Variants in SYCP1 observed in about 807,000 individuals in gnomAD.
The protein encoded by SYCP1 is synaptonemal complex protein 1, also known as cancer/testis antigen 8.
In SYCP1, 64 loss-of-function variants were observed where a neutral mutation model predicts 153.1. The observed-to-expected ratio is 0.42, with a 90% CI of 0.34 to 0.51. SYCP1 has a LOEUF of 0.51. Among genes scored for constraint, SYCP1 ranks in the 20% least tolerant of loss-of-function variants. SYCP1 has a pLI of 0.06. For missense variants in SYCP1, 997 were observed against 1,049.0 expected, an observed-to-expected ratio of 0.95 and a Z score of 0.68; for synonymous variants, 384 against 341.8, an observed-to-expected ratio of 1.12 and a Z score of -1.36.
chr1:114,952,739 A>G (rs1398613652), intron 27 of SYCP1, among the ~76,000 whole-genome samples: 1 of 152,186 alleles, frequency 6.6e-6, no homozygotes, highest in Non-Finnish European at 1.5e-5. Flanking sequence ...AATGGGAACT[A>G]CAATTCAAGA....
At chr1:114,906,166 C>T (rs770144545) in intron 16 of SYCP1, among the ~76,000 whole-genome samples, 38 of 151,992 alleles carry the variant, frequency 2.5e-4, no homozygotes, top group Middle Eastern at 3.4e-3. Flanking sequence ...GGGGTTTCAC[C>T]GTATTGGCCA....
In SYCP1 at chr1:114,981,435, G is replaced by T; in HGVS notation, c.2482G>T (p.Asp828Tyr). 1 of 1,610,328 alleles carries T rather than the reference G, an allele frequency of 6.2e-7. No homozygotes were observed. Among genetic ancestry groups the T allele is most frequent in the Non-Finnish European group, 8.5e-7 (1 of 1,178,528 alleles). ...TGTATCTCGAAATTTCACATCAGTT[G>T]ATCATGGCATATCCAAAGATAAAAG... is the stretch of plus-strand genomic sequence containing the variant. ...QTVSRNFTSVDHGISKDKRDY... is the reference protein window; with the variant it reads ...QTVSRNFTSVYHGISKDKRDY... The change falls in exon 29 of 32, where the codon GAT (aspartate) becomes TAT (tyrosine). Residue 828 changes from aspartate to tyrosine, a missense_variant. Physicochemically the swap from Asp to Tyr is radical, Grantham distance 160. Around this residue, in one of 2 missense-constraint regions of SYCP1, gnomAD observed 712 missense variants for 682.9 expected, o/e 1.04. Coordinates refer to ENST00000369522, the MANE Select transcript of SYCP1 (RefSeq NM_003176.4).
intron 21 of SYCP1, among the ~76,000 whole-genome samples, chr1:114,923,836 C>T (rs1319779135): frequency 1.3e-5 from 2 of 151,952 alleles, no homozygotes; most frequent in Non-Finnish European, 2.9e-5. Context: ...ATATGGATGA[C>T]AAATTATTTA....
chr1:114,882,521 T>G (rs1666022791), intron 12 of SYCP1, among the ~76,000 whole-genome samples: 1 of 152,184 alleles, frequency 6.6e-6, no homozygotes, highest in Non-Finnish European at 1.5e-5. Flanking sequence ...TGTCTTTTCT[T>G]TAAATATACA....
At chr1:114,941,212 C>A (rs979909303) in intron 23 of SYCP1, among the ~76,000 whole-genome samples, 1 of 151,984 alleles carries the variant, frequency 6.6e-6, no homozygotes, top group Non-Finnish European at 1.5e-5. Context: ...GAAAAAAAAT[C>A]CACATATAAA....
intron 14 of SYCP1, among the ~76,000 whole-genome samples, chr1:114,886,555 T>G (rs1222674419): frequency 6.6e-6 from 1 of 152,098 alleles, no homozygotes; most frequent in African/African-American, 2.4e-5. Context: ...CCATAGAATT[T>G]AGTTATATAC....
intron 18 of SYCP1, among the ~76,000 whole-genome samples, chr1:114,912,195 T>A (rs1452754390): frequency 6.6e-6 from 1 of 151,944 alleles, no homozygotes; most frequent in African/African-American, 2.4e-5. Context: ...TGGTACCTTT[T>A]CAATAGTACT....
intron 21 of SYCP1, 88 bp downstream of exon 21, chr1:114,923,618 T>C (rs1400930448): frequency 7.8e-7 from 1 of 1,275,936 alleles, no homozygotes; most frequent in Non-Finnish European, 1.0e-6. Flanking sequence ...AAGGGAAGTA[T>C]ACTGTTGTAT....
At chr1:114,877,471 T>G (rs1263378233) in intron 11 of SYCP1, among the ~76,000 whole-genome samples, 2 of 152,234 alleles carry the variant, frequency 1.3e-5, no homozygotes, top group Non-Finnish European at 2.9e-5. Context: ...TGCCACAAGA[T>G]ATCTTCTAAT....
intron 23 of SYCP1, among the ~76,000 whole-genome samples, chr1:114,928,484 C>T (rs979992439): frequency 1.3e-5 from 2 of 152,116 alleles, no homozygotes; most frequent in African/African-American, 4.8e-5. Context: ...AAGCTGTACC[C>T]TAAGCAATAC....
chr1:114,970,880 CA>C (rs112489190), intron 27 of SYCP1, among the ~76,000 whole-genome samples: 5,550 of 152,276 alleles, frequency 0.036, 126 homozygotes, highest in African/African-American at 0.053. Flanking sequence ...CTGGTTTTCT[CA>C]AATGCTGGTT....
chr1:114,866,374 C>T (rs920455736), intron 8 of SYCP1, among the ~76,000 whole-genome samples: 4 of 152,048 alleles, frequency 2.6e-5, no homozygotes, highest in Admixed American at 6.6e-5. Flanking sequence ...TTTGGCCATT[C>T]GAATAGGGGT....
intron 26 of SYCP1, among the ~76,000 whole-genome samples, chr1:114,946,897 AC>A (rs1670742708): frequency 2.0e-5 from 3 of 151,874 alleles, no homozygotes; most frequent in Admixed American, 1.3e-4. Flanking sequence ...GCATCACCAC[AC>A]CCGGCTAATT....
At chr1:114,967,325 C>T (rs1394253168) in intron 27 of SYCP1, among the ~76,000 whole-genome samples, 1 of 152,122 alleles carries the variant, frequency 6.6e-6, no homozygotes, top group Non-Finnish European at 1.5e-5. Flanking sequence ...CTTTGTAGGT[C>T]TCTTAAAACT....
At chr1:114,947,811 C>CAAAAAAAAA (rs1174716918) in intron 27 of SYCP1, among the ~76,000 whole-genome samples, 12 of 43,882 alleles carry the variant, frequency 2.7e-4, no homozygotes, top group Non-Finnish European at 3.0e-4. Flanking sequence ...GACTCCGTCT[C>CAAAAAAAAA]AAAAAAAAAA....
At chr1:114,951,952 G>C (rs1671135390) in intron 27 of SYCP1, among the ~76,000 whole-genome samples, 1 of 152,138 alleles carries the variant, frequency 6.6e-6, no homozygotes, top group Admixed American at 6.5e-5. Flanking sequence ...AGTCCAACCT[G>C]AGTATATAGA....
chr1:114,913,701 G>A (rs1668328819), intron 19 of SYCP1, among the ~76,000 whole-genome samples: 1 of 152,004 alleles, frequency 6.6e-6, no homozygotes, highest in Non-Finnish European at 1.5e-5. Flanking sequence ...AACATTACTT[G>A]AAGTGACAAT....
intron 30 of SYCP1, among the ~76,000 whole-genome samples, chr1:114,988,080 C>CAAAAAAAAAAAAAAAAA (rs34553973): frequency 4.4e-5 from 5 of 114,642 alleles, no homozygotes; most frequent in Admixed American, 8.6e-5. Context: ...TGATAAACGG[C>CAAAAAAAAAAAAAAAAA]AAAAAAAAAA....
At chr1:114,921,675 A>T (rs1468849521) in intron 20 of SYCP1, among the ~76,000 whole-genome samples, 9 of 151,190 alleles carry the variant, frequency 6.0e-5, no homozygotes, top group African/African-American at 1.9e-4. Flanking sequence ...AACAGATATG[A>T]GTAGTTACAT....
Sources: allele counts gnomAD v4.1 joint callset (sites outside exome capture counted in the v4.1 genomes callset), GRCh38; gene constraint gnomAD v4.1.1; regional missense constraint gnomAD v4.1.1; transcripts MANE v1.5; gene names NCBI Gene and HGNC (gene_info 2026-07-23, HGNC 2026-07-21).